Variants in ABLIM1 observed in about 807,000 individuals in gnomAD.
ABLIM1 encodes actin binding LIM protein 1.
A neutral mutation model predicts 107.0 loss-of-function variants in ABLIM1; 40 were observed. The ratio of observed to expected loss-of-function variants is 0.37; its 90% CI spans 0.29 to 0.49. The LOEUF (loss-of-function observed/expected upper bound fraction) is 0.49. Ranked by LOEUF, ABLIM1 falls within the 20% of genes least tolerant of loss-of-function variation. The pLI, the probability that ABLIM1 is intolerant of heterozygous loss-of-function variation, is 0.97. For synonymous variants in ABLIM1, 357 were observed against 357.3 expected, an observed-to-expected ratio of 1.00 and a Z score of 0.01; for missense variants, 857 against 1,008.5, an observed-to-expected ratio of 0.85 and a Z score of 2.04.
intron 1 of ABLIM1, among the ~76,000 whole-genome samples, chr10:114,612,827 G>C (rs1027339570): frequency 1.3e-5 from 2 of 152,210 alleles, no homozygotes; most frequent in Admixed American, 1.3e-4. Context: ...TACAAGTTAA[G>C]AGAGAGGGTC....
intron 1 of ABLIM1, among the ~76,000 whole-genome samples, chr10:114,611,429 C>T (rs531127299): frequency 2.7e-5 from 4 of 150,530 alleles, no homozygotes; most frequent in African/African-American, 4.9e-5. Flanking sequence ...TGAGATCACA[C>T]GACTACACAC....
chr10:114,717,259 C>T (rs757408777), intron 1 of ABLIM1, among the ~76,000 whole-genome samples: 5 of 152,124 alleles, frequency 3.3e-5, no homozygotes, highest in Admixed American at 1.3e-4. Flanking sequence ...TACAGCTGGA[C>T]GGAAAGTCTA....
chr10:114,574,938 C>T (rs775034757), intron 3 of ABLIM1, among the ~76,000 whole-genome samples: 1 of 152,184 alleles, frequency 6.6e-6, no homozygotes, highest in Non-Finnish European at 1.5e-5. Flanking sequence ...CTATAGGCCA[C>T]ACACAAGTGG....
At chr10:114,662,343 A>C (rs2079829298), upstream of ABLIM1, among the ~76,000 whole-genome samples, 1 of 152,148 alleles carries the variant, frequency 6.6e-6, no homozygotes, top group Non-Finnish European at 1.5e-5. Context: ...GCTAAACAGA[A>C]CAGATTCAGT....
chr10:114,436,286 T>C lies in ABLIM1; in HGVS notation c.2311A>G (p.Met771Val). 4 of 1,613,982 alleles carry C rather than the reference T, an allele frequency of 2.5e-6. No individual in the cohort carries two copies. The highest frequency in any genetic ancestry group is 3.4e-6 in the Non-Finnish European group (4 of 1,179,950). The change falls in exon 23 of 23, where the codon ATG becomes GTG. Residue 771 changes from methionine to valine, a missense_variant. This residue lies in a region of ABLIM1 where 193 missense variants were observed against 208.5 expected (regional missense o/e 0.93). Coordinates refer to ENST00000533213, the MANE Select transcript of ABLIM1 (RefSeq NM_002313.7). ...DRLPLWRRNDMKKKAKLF is the reference protein window; with the variant it reads ...DRLPLWRRNDVKKKAKLF Reference sequence around the variant, plus strand: ...TAGAAGAGTTTTGCTTTTTTCTTCATGTCGTTGCGTCTCCAAAGAGGTAAC... The same window carrying C: ...TAGAAGAGTTTTGCTTTTTTCTTCACGTCGTTGCGTCTCCAAAGAGGTAAC...
chr10:114,524,080 G>A (rs981771833), intron 6 of ABLIM1, among the ~76,000 whole-genome samples: 4 of 152,198 alleles, frequency 2.6e-5, no homozygotes, highest in African/African-American at 9.6e-5. Flanking sequence ...CTGTCACCAA[G>A]AATAGACTTC....
chr10:114,508,101 G>A (rs7910687), intron 6 of ABLIM1, among the ~76,000 whole-genome samples: 1,586 of 152,230 alleles, frequency 0.01, 28 homozygotes, highest in African/African-American at 0.037. Flanking sequence ...GAGCCTTAAG[G>A]GCATTCAATT....
chr10:114,691,462 C>T lies in ABLIM1; in HGVS notation c.-213+76599G>A, dbSNP rs76879293. Among the ~76,000 whole-genome samples, 523 of 152,272 alleles carry T rather than the reference C, an allele frequency of 3.4e-3. 4 individuals are homozygous for T. The highest frequency in any genetic ancestry group is 0.012 in the African/African-American group (504 of 41,536). ...TCTCTCCTCTCCCTTTTATCCATTT[C>T]GTTCTGCCTCTCACTCCCTCCCAGT... On this transcript the variant is annotated intron_variant, in intron 1 of 15. Coordinates refer to the ABLIM1 transcript ENST00000651092.
chr10:114,792,235 G>A, the ABLIM1 span, among the ~76,000 whole-genome samples: 1 of 152,126 alleles, frequency 6.6e-6, no homozygotes, highest in South Asian at 2.1e-4. Flanking sequence ...GTGGGAGGAT[G>A]GCTTGAGCCT....
chr10:114,754,331 G>A (rs368024165), intron 1 of ABLIM1, among the ~76,000 whole-genome samples: 5 of 152,256 alleles, frequency 3.3e-5, no homozygotes, highest in East Asian at 3.9e-4. Context: ...AGATGGCAAC[G>A]TTTCTCCTCC....
chr10:114,451,082 T>C (rs1193888591), intron 14 of ABLIM1, among the ~76,000 whole-genome samples: 2 of 152,146 alleles, frequency 1.3e-5, no homozygotes, highest in Non-Finnish European at 2.9e-5. Context: ...AGAAATGACG[T>C]CACAGAGCCA....
chr10:114,600,491 C>G (rs1393048966), intron 2 of ABLIM1, among the ~76,000 whole-genome samples: 1 of 152,158 alleles, frequency 6.6e-6, no homozygotes, highest in African/African-American at 2.4e-5. Context: ...CAGCTGTGGA[C>G]TCCAGGAAAG....
chr10:114,578,250 C>G (rs1163839114), intron 2 of ABLIM1, among the ~76,000 whole-genome samples: 1 of 152,192 alleles, frequency 6.6e-6, no homozygotes, highest in Admixed American at 6.5e-5. Flanking sequence ...GACCGCCATG[C>G]CTCTCTCAAA....
At chr10:114,568,625 T>A (rs964071838) in intron 4 of ABLIM1, among the ~76,000 whole-genome samples, 1 of 152,224 alleles carries the variant, frequency 6.6e-6, no homozygotes, top group African/African-American at 2.4e-5. Flanking sequence ...CTTTCTTTTT[T>A]ATAGACACCC....
chr10:114,788,192 C>G, the ABLIM1 span, among the ~76,000 whole-genome samples: 1 of 150,688 alleles, frequency 6.6e-6, no homozygotes, highest in African/African-American at 2.4e-5. Flanking sequence ...ACAAACACTG[C>G]GGAAGGCTGC....
In ABLIM1 at chr10:114,447,930, G is replaced by A; in HGVS notation, c.1685C>T (p.Pro562Leu). The change falls in exon 15 of 23, where the codon CCA becomes CTA. Residue 562 changes from proline to leucine, a missense_variant. This residue lies in a region of ABLIM1 where 103 missense variants were observed against 101.0 expected (regional missense o/e 1.02). Transcript: ENST00000533213. The part of the protein sequence containing the change: ...AAQAPDPSET[P>L]KIETDHWPGP... ...AGGCCAGTGGTCCGTCTCAATCTTT[G>A]GTGTCTCGCTGGGGTCTGGTGCCTG... 6.2e-7 allele frequency: 1 copy of A among 1,614,116 alleles called. No homozygotes were observed. Among genetic ancestry groups the A allele is most frequent in the Non-Finnish European group, 8.5e-7 (1 of 1,180,014 alleles).
chr10:114,798,029 A>G, the ABLIM1 span, among the ~76,000 whole-genome samples: 1 of 152,234 alleles, frequency 6.6e-6, no homozygotes, highest in Admixed American at 6.5e-5. Flanking sequence ...ACTATTAACT[A>G]TGTCCACAAA....
chr10:114,572,257 G>GTGA (rs975822121), intron 3 of ABLIM1, among the ~76,000 whole-genome samples: 3 of 152,168 alleles, frequency 2.0e-5, no homozygotes, highest in Non-Finnish European at 4.4e-5. Flanking sequence ...ATTAGGAAAC[G>GTGA]TGAAACTCAC....
chr10:114,601,094 A>G (rs1396005986), intron 2 of ABLIM1, among the ~76,000 whole-genome samples: 2 of 110,692 alleles, frequency 1.8e-5, no homozygotes, highest in Non-Finnish European at 4.2e-5. Context: ...ACACACACAC[A>G]CACACACACA....
Sources: allele counts gnomAD v4.1 joint callset (sites outside exome capture counted in the v4.1 genomes callset), GRCh38; gene constraint gnomAD v4.1.1; regional missense constraint gnomAD v4.1.1; transcripts MANE v1.5; gene names NCBI Gene and HGNC (gene_info 2026-07-23, HGNC 2026-07-21).